NLGN4X: variants seen among roughly 807,000 people sequenced by gnomAD.
NLGN4X encodes neuroligin 4 X-linked.
NLGN4X carries 3 observed loss-of-function variants against 40.3 expected under a neutral mutation model. The ratio of observed to expected loss-of-function variants is 0.07; its 90% CI spans 0.03 to 0.19. NLGN4X has a LOEUF of 0.19. NLGN4X is among the 10% of genes least tolerant of loss of function. The pLI, the probability that NLGN4X is intolerant of heterozygous loss-of-function variation, is 1.00. For missense variants in NLGN4X, 382 were observed against 708.3 expected (o/e 0.54, Z 5.23); for synonymous variants, 270 against 306.8 (o/e 0.88, Z 1.25).
rs370334860 is a variant in NLGN4X at position 6,036,297 on chromosome X, G to A, written c.473-6865C>T. On this transcript the variant is annotated intron_variant, in intron 2 of 5. Coordinates refer to ENST00000381095, the MANE Select transcript of NLGN4X (RefSeq NM_181332.3). ...CAATAAAAACTCCTGCTGAGATTTCGATAGAAATTACTTGCCAAATCCCAA... is the reference window on the plus strand; with the variant it reads ...CAATAAAAACTCCTGCTGAGATTTCAATAGAAATTACTTGCCAAATCCCAA... Among the ~76,000 whole-genome samples the A allele has an allele frequency of 1.4e-4, 16 of 111,388 alleles. No individual in the cohort carries two copies. The East Asian group carries it at 2.8e-3, about 20-fold the overall frequency.
chrX:6,163,555 T>C (rs143315004), intron 1 of NLGN4X, among the ~76,000 whole-genome samples: 187 of 112,187 alleles, frequency 1.7e-3, no homozygotes, highest in African/African-American at 5.3e-3. Flanking sequence ...TGTGGTCCAC[T>C]GCCTCCCACC....
intron 5 of NLGN4X, among the ~76,000 whole-genome samples, chrX:5,901,268 G>A (rs1031117532): frequency 1.3e-4 from 15 of 112,236 alleles, no homozygotes; most frequent in African/African-American, 4.2e-4. Context: ...ATCTTCTAAG[G>A]ATTACTGTGC....
chrX:5,929,269 C>T (rs1187804910), intron 3 of NLGN4X, among the ~76,000 whole-genome samples: 1 of 110,930 alleles, frequency 9.0e-6, no homozygotes, highest in Non-Finnish European at 1.9e-5. Context: ...TCGAGACCAG[C>T]CTGGCCAACA....
At chrX:6,157,465 C>T (rs776562273) in intron 1 of NLGN4X, among the ~76,000 whole-genome samples, 34 of 111,820 alleles carry the variant, frequency 3.0e-4, no homozygotes, top group African/African-American at 8.8e-4. Flanking sequence ...GATCCTACAC[C>T]GACCAAAGAA....
intron 1 of NLGN4X, among the ~76,000 whole-genome samples, chrX:6,152,410 G>A (rs189388716): frequency 3.6e-5 from 4 of 112,389 alleles, no homozygotes; most frequent in Non-Finnish European, 7.5e-5. Flanking sequence ...TACCAGACTG[G>A]TTATCAATAC....
chrX:6,104,961 T>C (rs1331008357), intron 2 of NLGN4X, among the ~76,000 whole-genome samples: 1 of 111,794 alleles, frequency 8.9e-6, no homozygotes, highest in Non-Finnish European at 1.9e-5. Context: ...CTGCGTAAAC[T>C]GTTATCATAA....
rs141662515 is a variant in NLGN4X at position 5,893,042 on chromosome X, C to A, written c.2226G>T (p.Glu742Asp). The A allele has an allele frequency of 8.3e-7, 1 of 1,211,306 alleles. No homozygotes were observed. The highest frequency in any genetic ancestry group is 3.0e-5 in the East Asian group (1 of 33,801). ...LQMKQLEHDH[E>D]CESLQAHDTL... ...TGTCGTGTGCCTGCAGCGACTCACA[C>A]TCGTGATCGTGTTCCAGCTGCTTCA... Residue 742 changes from glutamate (E) to aspartate (D), a missense_variant, in exon 6 of 6, where the codon GAG (glutamate) becomes GAT (aspartate). By Grantham distance (45) the Glu-to-Asp change is conservative (BLOSUM62 2). This residue lies in a region of NLGN4X where 57 missense variants were observed against 65.6 expected (regional missense o/e 0.87). Coordinates refer to ENST00000381095, the MANE Select transcript of NLGN4X (RefSeq NM_181332.3).
At position 6,080,794 on chromosome X, in the gene NLGN4X, T is replaced by C. The variant is rs114049136; in HGVS notation, c.473-51362A>G. On this transcript the variant is annotated intron_variant, in intron 2 of 5. Coordinates refer to ENST00000381095, the MANE Select transcript of NLGN4X (RefSeq NM_181332.3). ...AAAGACCTAAATGTGACAAATGAAG[T>C]ATCCACATCTTCAGAGGTTTACGAC... Among the ~76,000 whole-genome samples the C allele has an allele frequency of 3.9e-3, 440 of 111,602 alleles. 5 individuals are homozygous for C. The highest frequency in any genetic ancestry group is 0.013 in the African/African-American group (414 of 30,727).
intron 2 of NLGN4X, among the ~76,000 whole-genome samples, chrX:6,130,874 T>C (rs913848449): frequency 2.7e-5 from 3 of 112,099 alleles, no homozygotes; most frequent in Admixed American, 9.5e-5. Context: ...AGAGTATTCA[T>C]ATATGTGGAC....
At chrX:5,951,143 C>A (rs2034295721) in intron 3 of NLGN4X, among the ~76,000 whole-genome samples, 1 of 111,909 alleles carries the variant, frequency 8.9e-6, no homozygotes, top group African/African-American at 3.3e-5. Flanking sequence ...CATTATCTTA[C>A]TTCACAGGAG....
At chrX:6,021,754 T>TA (rs879839322) in intron 3 of NLGN4X, among the ~76,000 whole-genome samples, 30 of 108,662 alleles carry the variant, frequency 2.8e-4, no homozygotes, top group East Asian at 8.9e-4. Flanking sequence ...TTTTTTTTTT[T>TA]GTTTTGCAAA....
At chrX:5,918,982 T>C (rs1601883733) in intron 3 of NLGN4X, among the ~76,000 whole-genome samples, 1 of 112,548 alleles carries the variant, frequency 8.9e-6, no homozygotes, top group East Asian at 2.8e-4. Flanking sequence ...TCATTTTTGG[T>C]AACTGTCCCA....
At chrX:5,932,176 C>T (rs2033569457) in intron 3 of NLGN4X, among the ~76,000 whole-genome samples, 1 of 111,739 alleles carries the variant, frequency 8.9e-6, no homozygotes, top group Non-Finnish European at 1.9e-5. Context: ...GCTAAAGAGG[C>T]TGTTTCTTCC....
intron 3 of NLGN4X, among the ~76,000 whole-genome samples, chrX:5,926,732 A>G (rs2033332319): frequency 9.2e-6 from 1 of 108,849 alleles, no homozygotes; most frequent in Non-Finnish European, 1.9e-5. Flanking sequence ...TTATACATAC[A>G]TACACATGCA....
chrX:6,157,750 C>T (rs1458268624), intron 1 of NLGN4X, among the ~76,000 whole-genome samples: 6 of 111,330 alleles, frequency 5.4e-5, no homozygotes. Context: ...GGGGCATCCA[C>T]CCTCATGATC....
intron 2 of NLGN4X, among the ~76,000 whole-genome samples, chrX:6,097,275 C>T (rs1450668588): frequency 1.9e-5 from 2 of 105,716 alleles, no homozygotes; most frequent in Non-Finnish European, 3.9e-5. Context: ...ATGATACATA[C>T]TTTGAAATAT....
chrX:6,175,431 C>T (rs987257201), intron 1 of NLGN4X, among the ~76,000 whole-genome samples: 1 of 109,859 alleles, frequency 9.1e-6, no homozygotes, highest in African/African-American at 3.3e-5. Context: ...TTCTTTTCTC[C>T]CACATATCGT....
At chrX:6,046,502 A>G (rs757892975) in intron 2 of NLGN4X, among the ~76,000 whole-genome samples, 14 of 111,644 alleles carry the variant, frequency 1.3e-4, no homozygotes, top group Non-Finnish European at 2.3e-4. Flanking sequence ...ATCTCAACTT[A>G]AAACAAAATA....
At chrX:6,213,928 TG>T (rs1317643215) in intron 1 of NLGN4X, among the ~76,000 whole-genome samples, 2 of 111,982 alleles carry the variant, frequency 1.8e-5, no homozygotes, top group African/African-American at 6.5e-5. Flanking sequence ...TTTAAAGCAT[TG>T]TGGAAAAAAA....
Sources: allele counts gnomAD v4.1 joint callset (sites outside exome capture counted in the v4.1 genomes callset), GRCh38; gene constraint gnomAD v4.1.1; regional missense constraint gnomAD v4.1.1; transcripts MANE v1.5; gene names NCBI Gene and HGNC (gene_info 2026-07-23, HGNC 2026-07-21).